PTPN4: variants seen among roughly 807,000 people sequenced by gnomAD.
The protein encoded by PTPN4 is tyrosine-protein phosphatase non-receptor type 4.
Under a neutral mutation model 135.5 loss-of-function variants are expected in PTPN4, and 49 were observed. The ratio of observed to expected loss-of-function variants is 0.36; its 90% CI spans 0.29 to 0.46. PTPN4 has a LOEUF of 0.46. PTPN4 is among the 20% of genes least tolerant of loss of function. The pLI is 1.00. For missense variants in PTPN4, 860 were observed against 1,101.0 expected (o/e 0.78, Z 3.10); for synonymous variants, 333 against 369.9 (o/e 0.90, Z 1.14).
Position 119,984,685 on chromosome 2 carries a change from A to G in PTPN4, c.*7615A>G, listed in dbSNP as rs1192206456. Among the ~76,000 whole-genome samples the G allele has an allele frequency of 6.6e-6, 1 of 152,202 alleles. No individual in the cohort carries two copies. The highest frequency in any genetic ancestry group is 1.5e-5 in the Non-Finnish European group (1 of 68,030). On this transcript the variant is annotated 3_prime_UTR_variant, in exon 27 of 27. Transcript: ENST00000263708. ...ATTTCTGCCATTCATGTACAAAAAA[A>G]TTACAACTACAGCAAACAAGATAAA...
chr2:119,968,014 G>C, intron 26 of PTPN4, 42 bp downstream of exon 26: 1 of 1,381,290 alleles, frequency 7.2e-7, no homozygotes, highest in Non-Finnish European at 9.7e-7. Context: ...TTCTTAACAT[G>C]ATGATTTTTG....
chr2:119,817,069 T>C (rs1035343163), intron 2 of PTPN4, among the ~76,000 whole-genome samples: 6 of 152,196 alleles, frequency 3.9e-5, no homozygotes, highest in Admixed American at 3.3e-4. Context: ...GTTAAGGGAA[T>C]GCATTTGTCA....
chr2:119,927,268 C>T (rs192376087), intron 13 of PTPN4, among the ~76,000 whole-genome samples: 2 of 152,020 alleles, frequency 1.3e-5, no homozygotes, highest in Admixed American at 1.3e-4. Flanking sequence ...TGCCACCACA[C>T]CTGGCTAATA....
At chr2:119,823,320 C>T (rs1677098083) in intron 2 of PTPN4, among the ~76,000 whole-genome samples, 2 of 151,818 alleles carry the variant, frequency 1.3e-5, no homozygotes, top group Non-Finnish European at 2.9e-5. Flanking sequence ...CTGCAAGCTC[C>T]GCCTCCCGGA....
In PTPN4 at chr2:119,760,320, T is replaced by C; in HGVS notation, c.-82T>C. 2.5e-6 allele frequency: 1 copy of C among 395,182 alleles called. No individual in the cohort carries two copies. Among genetic ancestry groups the C allele is most frequent in the Non-Finnish European group, 4.5e-6 (1 of 224,010 alleles). The allele number at this position is 395,182 out of a possible 1,614,324, so 24.5% of individuals were successfully genotyped here. A position where few individuals can be genotyped will look rare whatever the true frequency, so the allele number is the denominator to read the frequency against. The stretch of plus-strand genomic sequence containing the variant: ...AGCGGCACGGAGGACGCGCTTCTCC[T>C]CTGCGCGCCGGGGCCTCGAGGCTTT... On this transcript the variant is annotated 5_prime_UTR_variant, in exon 1 of 27. Coordinates refer to ENST00000263708, the MANE Select transcript of PTPN4 (RefSeq NM_002830.4).
chr2:119,765,783 A>G (rs1169245103), intron 1 of PTPN4, among the ~76,000 whole-genome samples: 1 of 152,252 alleles, frequency 6.6e-6, no homozygotes, highest in Non-Finnish European at 1.5e-5. Context: ...TGATCTGGGT[A>G]GAGAGAACAG....
intron 2 of PTPN4, among the ~76,000 whole-genome samples, chr2:119,853,113 C>T (rs897028587): frequency 2.0e-5 from 3 of 152,072 alleles, no homozygotes; most frequent in Non-Finnish European, 4.4e-5. Context: ...AGTAGAGTGC[C>T]CTAGAAATGT....
intron 1 of PTPN4, among the ~76,000 whole-genome samples, chr2:119,789,979 C>T (rs1322629437): frequency 6.6e-6 from 1 of 152,088 alleles, no homozygotes; most frequent in African/African-American, 2.4e-5. Context: ...CCTCCTGCCT[C>T]GGCCTTTCAA....
chr2:119,908,511 A>T (rs1309482676), intron 10 of PTPN4, among the ~76,000 whole-genome samples: 1 of 152,150 alleles, frequency 6.6e-6, no homozygotes, highest in African/African-American at 2.4e-5. Flanking sequence ...CACCCATATA[A>T]GACAGCTAAC....
intron 10 of PTPN4, among the ~76,000 whole-genome samples, chr2:119,909,346 C>A (rs1678535413): frequency 6.6e-6 from 1 of 152,152 alleles, no homozygotes; most frequent in African/African-American, 2.4e-5. Context: ...ATCTACCTTA[C>A]CTGTGTTCTA....
intron 1 of PTPN4, among the ~76,000 whole-genome samples, chr2:119,777,379 T>G (rs1690855454): frequency 6.6e-6 from 1 of 152,192 alleles, no homozygotes; most frequent in Admixed American, 6.5e-5. Flanking sequence ...CTGTTCTCCT[T>G]TGCTTACCAC....
At chr2:119,857,583 A>G (rs1034875330) in intron 2 of PTPN4, among the ~76,000 whole-genome samples, 1 of 151,882 alleles carries the variant, frequency 6.6e-6, no homozygotes, top group Admixed American at 6.6e-5. Context: ...CTAAAAGAAA[A>G]AAAAAAAAAA....
At chr2:119,965,336 G>A (rs998888006) in intron 24 of PTPN4, among the ~76,000 whole-genome samples, 161 bp from the exon 25 acceptor site, 1 of 152,192 alleles carries the variant, frequency 6.6e-6, no homozygotes, top group African/African-American at 2.4e-5. Flanking sequence ...GAGGACGCGG[G>A]TCAGAGAGCA....
intron 13 of PTPN4, among the ~76,000 whole-genome samples, chr2:119,927,539 T>G (rs1228104370): frequency 2.0e-5 from 3 of 152,192 alleles, no homozygotes; most frequent in African/African-American, 7.2e-5. Context: ...ATAAGGTAAT[T>G]GCAGTAATCC....
intron 1 of PTPN4, among the ~76,000 whole-genome samples, chr2:119,806,641 C>T (rs1410244755): frequency 6.6e-6 from 1 of 152,166 alleles, no homozygotes; most frequent in East Asian, 1.9e-4. Flanking sequence ...GACTTTAACA[C>T]CCTACTGTCA....
chr2:119,944,228 G>A (rs1000180870), intron 15 of PTPN4, among the ~76,000 whole-genome samples: 3 of 151,994 alleles, frequency 2.0e-5, no homozygotes. Context: ...AGATAATAAC[G>A]CCAATAGTGG....
At chr2:119,916,892 A>G (rs1326019261) in intron 11 of PTPN4, among the ~76,000 whole-genome samples, 1 of 152,220 alleles carries the variant, frequency 6.6e-6, no homozygotes, top group Admixed American at 6.5e-5. Context: ...GCCATAAATT[A>G]TTAATTCATT....
chr2:119,830,827 A>G (rs1235252076), intron 2 of PTPN4, among the ~76,000 whole-genome samples: 1 of 151,980 alleles, frequency 6.6e-6, no homozygotes, highest in Non-Finnish European at 1.5e-5. Flanking sequence ...GCCTTCCACT[A>G]TGATTGTAAG....
Position 119,955,261 on chromosome 2 carries a change from C to T in PTPN4, c.1918C>T (p.Arg640Trp), listed in dbSNP as rs770341394. Residue 640 changes from arginine to tryptophan, a missense_variant, in exon 20 of 27, where the codon CGG becomes TGG. By Grantham distance (101) the Arg-to-Trp change is moderately radical. Coordinates refer to ENST00000263708, the MANE Select transcript of PTPN4 (RefSeq NM_002830.4). ...TGTGCATCAGGATGACCATTCCCTG[C>T]GGGAGTCAATGATCCAGCTAGCTGA... Reference protein sequence around the residue: ...DSVHQDDHSLRESMIQLAEGL... With the variant: ...DSVHQDDHSLWESMIQLAEGL... The T allele has an allele frequency of 9.9e-6, 16 of 1,613,084 alleles. No homozygotes were observed. Among genetic ancestry groups the T allele is most frequent in the African/African-American group, 5.4e-5 (4 of 74,752 alleles).
Sources: gnomAD v4.1 joint callset for allele counts (sites outside exome capture counted in the v4.1 genomes callset) on GRCh38, gnomAD v4.1.1 for gene constraint, MANE v1.5 for transcripts, NCBI Gene and HGNC (gene_info 2026-07-23, HGNC 2026-07-21) for gene names.